TAS2R1: variants seen among roughly 807,000 people sequenced by gnomAD.
TAS2R1 encodes the protein taste receptor type 2 member 1.
For missense variants in TAS2R1, 370 were observed against 353.4 expected (o/e 1.05, Z -0.38); for synonymous variants, 141 against 134.2 (o/e 1.05, Z -0.35).
At chr5:9,730,017 T>C in the TAS2R1 span, among the ~76,000 whole-genome samples, 5 of 152,168 alleles carry the variant, frequency 3.3e-5, no homozygotes, top group African/African-American at 1.2e-4. Context: ...GGAAAGGAAA[T>C]TGAGAGTTTA....
the TAS2R1 span, among the ~76,000 whole-genome samples, chr5:9,737,315 C>T: frequency 6.6e-6 from 1 of 152,180 alleles, no homozygotes; most frequent in African/African-American, 2.4e-5. Context: ...TAGAATCTAG[C>T]CACTTTGGCT....
chr5:9,773,566 G>A, the TAS2R1 span, among the ~76,000 whole-genome samples: 1 of 152,044 alleles, frequency 6.6e-6, no homozygotes, highest in Admixed American at 6.6e-5. Flanking sequence ...TTTTCTTTCA[G>A]ACTGAAGAAC....
the TAS2R1 span, among the ~76,000 whole-genome samples, chr5:9,803,161 C>G: frequency 6.6e-6 from 1 of 152,092 alleles, no homozygotes; most frequent in African/African-American, 2.4e-5. Flanking sequence ...AGCTTGAAGA[C>G]CAGCCTTTGA....
the TAS2R1 span, among the ~76,000 whole-genome samples, chr5:9,742,124 A>T: frequency 2.0e-5 from 3 of 152,116 alleles, no homozygotes; most frequent in Non-Finnish European, 1.5e-5. Flanking sequence ...ACCTCAGGTG[A>T]TCTGCCCGCC....
intron 1 of TAS2R1, among the ~76,000 whole-genome samples, chr5:9,669,504 C>T (rs985496000): frequency 3.3e-4 from 50 of 152,016 alleles, no homozygotes; most frequent in Admixed American, 3.2e-3. Flanking sequence ...ATCAACCACA[C>T]AATGGCCATA....
At chr5:9,834,844 G>T in the TAS2R1 span, among the ~76,000 whole-genome samples, 16,030 of 151,756 alleles carry the variant, frequency 0.11, 930 homozygotes, top group Non-Finnish European at 0.13. Flanking sequence ...TCTCCCCATC[G>T]ATAGAAATTC....
chr5:9,833,740 A>G, the TAS2R1 span, among the ~76,000 whole-genome samples: 1 of 152,232 alleles, frequency 6.6e-6, no homozygotes, highest in Non-Finnish European at 1.5e-5. Flanking sequence ...AAATATAAAT[A>G]CAGTTGTATC....
upstream of TAS2R1, among the ~76,000 whole-genome samples, chr5:9,715,705 G>A (rs1175423820): frequency 1.3e-5 from 2 of 152,182 alleles, no homozygotes; most frequent in African/African-American, 4.8e-5. Context: ...GGGAACAGAA[G>A]AGCTTTGAAC....
At chr5:9,722,435 G>A in the TAS2R1 span, among the ~76,000 whole-genome samples, 4 of 152,186 alleles carry the variant, frequency 2.6e-5, no homozygotes, top group Admixed American at 6.5e-5. Flanking sequence ...TGTAATCTAC[G>A]TAAAATGGAA....
chr5:9,660,544 C>A (rs566676692), intron 1 of TAS2R1, among the ~76,000 whole-genome samples: 49 of 152,242 alleles, frequency 3.2e-4, no homozygotes, highest in Non-Finnish European at 3.5e-4. Context: ...ATGGCCGCAA[C>A]GTCCTTAAAA....
the TAS2R1 span, among the ~76,000 whole-genome samples, chr5:9,861,037 G>GTTTTTTTTGTT: frequency 1.1e-5 from 1 of 88,612 alleles, no homozygotes; most frequent in South Asian, 4.1e-4. Context: ...GGAAGATGAG[G>GTTTTTTTTGTT]TTTTTTTTTT....
the TAS2R1 span, among the ~76,000 whole-genome samples, chr5:9,840,833 T>TTTTATTTA: frequency 6.8e-3 from 523 of 77,406 alleles, 2 homozygotes; most frequent in African/African-American, 0.017. Flanking sequence ...TTTCATTTTA[T>TTTTATTTA]TTTATTTATT....
At chr5:9,793,528 G>T in the TAS2R1 span, among the ~76,000 whole-genome samples, 1 of 152,164 alleles carries the variant, frequency 6.6e-6, no homozygotes, top group African/African-American at 2.4e-5. Context: ...TAAGATAGGA[G>T]GCCTTGGAAG....
chr5:9,725,751 G>C, the TAS2R1 span, among the ~76,000 whole-genome samples: 1 of 147,514 alleles, frequency 6.8e-6, no homozygotes, highest in Non-Finnish European at 1.5e-5. Flanking sequence ...TCCACCTGCA[G>C]CTCCAGTGCG....
the TAS2R1 span, among the ~76,000 whole-genome samples, chr5:9,888,393 C>T: frequency 6.6e-6 from 1 of 152,178 alleles, no homozygotes; most frequent in Non-Finnish European, 1.5e-5. Context: ...AGTCACTTCC[C>T]CAAAGCCCCA....
the TAS2R1 span, among the ~76,000 whole-genome samples, chr5:9,795,874 T>C: frequency 2.6e-5 from 4 of 152,176 alleles, no homozygotes; most frequent in East Asian, 7.7e-4. Flanking sequence ...TGTCATTTTA[T>C]AGGGAGAGGA....
chr5:9,738,061 C>T, the TAS2R1 span, among the ~76,000 whole-genome samples: 1 of 152,190 alleles, frequency 6.6e-6, no homozygotes, highest in East Asian at 1.9e-4. Context: ...TGGCCGCCCT[C>T]ATACTTGTCG....
At chr5:9,871,994 T>C in the TAS2R1 span, among the ~76,000 whole-genome samples, 2 of 152,214 alleles carry the variant, frequency 1.3e-5, no homozygotes, top group African/African-American at 4.8e-5. Context: ...TCTTGATTCA[T>C]TGCTAATTTC....
the TAS2R1 span, among the ~76,000 whole-genome samples, chr5:9,857,807 G>T: frequency 1.3e-5 from 2 of 152,200 alleles, no homozygotes; most frequent in East Asian, 1.9e-4. Context: ...TGTCTTGGGG[G>T]AGCCCTTCAC....
Sources: allele counts gnomAD v4.1 joint callset (sites outside exome capture counted in the v4.1 genomes callset), GRCh38; gene constraint gnomAD v4.1.1; transcripts MANE v1.5; gene names NCBI Gene and HGNC (gene_info 2026-07-23, HGNC 2026-07-21).